B4GALT6: variants seen among roughly 807,000 people sequenced by gnomAD.
The protein encoded by B4GALT6 is beta-1,4-galactosyltransferase 6.
In B4GALT6, 14 loss-of-function variants were observed where a neutral mutation model predicts 46.3. That is an observed-to-expected ratio of 0.30 (90% confidence interval 0.20 to 0.47). The LOEUF (loss-of-function observed/expected upper bound fraction) is 0.47, where lower values mean the gene tolerates loss of function less well. B4GALT6 is among the 20% of genes least tolerant of loss of function. The probability of loss-of-function intolerance (pLI) is 0.99; values close to 1 mark genes in which losing one functional copy is unlikely to be tolerated. For missense variants in B4GALT6, 386 were observed against 480.1 expected (o/e 0.80, Z 1.83); for synonymous variants, 168 against 162.0 (o/e 1.04, Z -0.28).
the B4GALT6 span, among the ~76,000 whole-genome samples, chr18:31,712,287 A>ATTTTTTTTTTTTTTTTT: frequency 1.2e-5 from 1 of 84,642 alleles, no homozygotes; most frequent in Non-Finnish European, 2.1e-5. Context: ...CTGGGACGTT[A>ATTTTTTTTTTTTTTTTT]TTTTTTTTTT....
At chr18:31,656,103 T>C (rs937611730) in intron 3 of B4GALT6, among the ~76,000 whole-genome samples, 7 of 152,198 alleles carry the variant, frequency 4.6e-5, no homozygotes, top group Non-Finnish European at 1.0e-4. Context: ...ATCTGGGTGA[T>C]TCTGATGTAC....
intron 1 of B4GALT6, among the ~76,000 whole-genome samples, chr18:31,676,001 T>C (rs1187031285): frequency 1.3e-5 from 2 of 152,178 alleles, no homozygotes; most frequent in African/African-American, 4.8e-5. Context: ...AGAAGGGAAC[T>C]GGGTAGGAAA....
chr18:31,723,651 G>A, the B4GALT6 span, among the ~76,000 whole-genome samples: 1 of 152,182 alleles, frequency 6.6e-6, no homozygotes, highest in African/African-American at 2.4e-5. Context: ...TTATTCCCCG[G>A]CAGCCCCTGC....
At chr18:31,628,771 T>C (rs1322071513) in intron 6 of B4GALT6, among the ~76,000 whole-genome samples, 2 of 152,200 alleles carry the variant, frequency 1.3e-5, no homozygotes, top group Non-Finnish European at 2.9e-5. Flanking sequence ...TACATTCTAA[T>C]TTCTCTACAA....
chr18:31,678,719 G>A (rs994232939), intron 1 of B4GALT6, among the ~76,000 whole-genome samples: 3 of 152,174 alleles, frequency 2.0e-5, no homozygotes, highest in African/African-American at 7.2e-5. Flanking sequence ...CAACGCGGTG[G>A]GCTCTCTTTG....
At chr18:31,688,769 A>G (rs1348879833), upstream of B4GALT6, among the ~76,000 whole-genome samples, 1 of 152,174 alleles carries the variant, frequency 6.6e-6, no homozygotes, top group African/African-American at 2.4e-5. Context: ...CGGGAGGTAA[A>G]ATACCGGGCC....
At chr18:31,683,107 T>C (rs1036775240) in intron 1 of B4GALT6, among the ~76,000 whole-genome samples, 8 of 152,234 alleles carry the variant, frequency 5.3e-5, no homozygotes, top group Non-Finnish European at 8.8e-5. Context: ...TCTGAGTTTA[T>C]ACACCTCACT....
rs144179896 is a variant in B4GALT6 at position 31,624,701 on chromosome 18, C to T, written c.*913G>A. ...TTCTGAACTGGAAATAATAAAAGTG[C>T]TGTTCACCGTGAATTTAAAAAAAAT... On this transcript the variant is annotated 3_prime_UTR_variant, in exon 9 of 9. Transcript: ENST00000306851. 5 of 151,996 alleles carry T rather than the reference C, an allele frequency of 3.3e-5. No homozygotes were observed. The highest frequency in any genetic ancestry group is 1.2e-4 in the African/African-American group (5 of 41,468). 9.4% of individuals were successfully genotyped at this position (151,996 alleles called of 1,614,324 possible).
upstream of B4GALT6, among the ~76,000 whole-genome samples, chr18:31,690,057 A>G (rs771379399): frequency 9.6e-4 from 147 of 152,340 alleles, no homozygotes; most frequent in Middle Eastern, 6.8e-3. Context: ...CTATTACTTG[A>G]CACAGTTCAA....
At chr18:31,635,260 A>T (rs1667277) in intron 5 of B4GALT6, among the ~76,000 whole-genome samples, 1 of 151,764 alleles carries the variant, frequency 6.6e-6, no homozygotes, top group Non-Finnish European at 1.5e-5. Flanking sequence ...AAAAAAAAAA[A>T]CCAGAGACAG....
chr18:31,678,048 G>T (rs2074434797), intron 1 of B4GALT6, among the ~76,000 whole-genome samples: 1 of 152,174 alleles, frequency 6.6e-6, no homozygotes, highest in South Asian at 2.1e-4. Context: ...AGTCACAAAA[G>T]ACAGTGTGGG....
At position 31,625,776 on chromosome 18, in the gene B4GALT6, GA is replaced by G; in HGVS notation, c.1002-16del. 3 of 1,553,018 alleles carry G rather than the reference GA, an allele frequency of 1.9e-6. No homozygotes were observed. The highest frequency in any genetic ancestry group is 2.0e-4 in the Middle Eastern group (1 of 4,956). ...GTAATTTATACCTATAGTTTTAGAG[GA>G]AAAAACAAAAAAGCAACAAAACATG... is the stretch of plus-strand genomic sequence containing the variant. On this transcript the variant is annotated splice_polypyrimidine_tract_variant and intron_variant, in intron 8 of 8. Coordinates refer to ENST00000306851, the MANE Select transcript of B4GALT6 (RefSeq NM_004775.5).
chr18:31,689,050 A>G (rs1170356465), upstream of B4GALT6, among the ~76,000 whole-genome samples: 2 of 152,206 alleles, frequency 1.3e-5, no homozygotes, highest in African/African-American at 4.8e-5. Flanking sequence ...GACAGGGGAA[A>G]AACTGGTACA....
intron 1 of B4GALT6, among the ~76,000 whole-genome samples, chr18:31,683,044 C>G (rs764284746): frequency 5.9e-5 from 9 of 152,192 alleles, no homozygotes; most frequent in Non-Finnish European, 1.0e-4. Context: ...CCTAAAACTT[C>G]TATTTTGGGA....
At chr18:31,643,853 TAC>T (rs2073959238) in intron 4 of B4GALT6, among the ~76,000 whole-genome samples, 1 of 152,218 alleles carries the variant, frequency 6.6e-6, no homozygotes, top group Non-Finnish European at 1.5e-5. Context: ...AGGGGTGTGC[TAC>T]ATTCTGTACA....
In B4GALT6 at chr18:31,662,384, G is replaced by A. The variant is rs74973824; in HGVS notation, c.232+3872C>T. ...GTGTATATAGTCTATCCGCCACCCC[G>A]GCCATTATTCTGAATATCTCTTTTA... On this transcript the variant is annotated intron_variant, in intron 2 of 8. Coordinates refer to ENST00000306851, the MANE Select transcript of B4GALT6 (RefSeq NM_004775.5). 9.5e-3 allele frequency among the ~76,000 whole-genome samples: 1,438 copies of A among 152,032 alleles called. 39 individuals carry two copies. In the East Asian group the frequency reaches 0.1, roughly 11 times the overall value.
intron 1 of B4GALT6, 118 bp from the exon 2 acceptor site, chr18:31,666,490 T>C (rs1197237070): frequency 2.4e-6 from 1 of 416,764 alleles, no homozygotes; most frequent in Non-Finnish European, 4.2e-6. Flanking sequence ...AATCAGCACG[T>C]CCAAACGCAA....
At chr18:31,719,929 C>A in the B4GALT6 span, among the ~76,000 whole-genome samples, 7 of 152,246 alleles carry the variant, frequency 4.6e-5, no homozygotes, top group South Asian at 1.2e-3. Context: ...TCTCCAGGAG[C>A]AATGTGGGGA....
the B4GALT6 span, among the ~76,000 whole-genome samples, chr18:31,705,587 C>G: frequency 6.6e-6 from 1 of 152,186 alleles, no homozygotes; most frequent in Admixed American, 6.5e-5. Context: ...CAGGGCTTCG[C>G]CACATTGGCC....
Sources: allele counts gnomAD v4.1 joint callset (sites outside exome capture counted in the v4.1 genomes callset), GRCh38; gene constraint gnomAD v4.1.1; transcripts MANE v1.5; gene names NCBI Gene and HGNC (gene_info 2026-07-23, HGNC 2026-07-21).